LRP1B: variants seen among roughly 807,000 people sequenced by gnomAD.
LRP1B encodes the protein LDL receptor related protein 1B, also known as low-density lipoprotein receptor-related protein 1B.
LRP1B carries 217 observed loss-of-function variants against 556.6 expected under a neutral mutation model. The ratio of observed to expected loss-of-function variants is 0.39; its 90% CI spans 0.35 to 0.44. LRP1B has a LOEUF of 0.44. Ranked by LOEUF, LRP1B falls within the 20% of genes least tolerant of loss-of-function variation. LRP1B has a pLI of 1.00. For missense variants in LRP1B, 5,053 were observed against 5,620.8 expected (o/e 0.90, Z 3.23); for synonymous variants, 2,047 against 1,865.8 (o/e 1.10, Z -2.50).
At chr2:141,291,769 T>C (rs991847321) in intron 3 of LRP1B, among the ~76,000 whole-genome samples, 1 of 143,242 alleles carries the variant, frequency 7.0e-6, no homozygotes, top group African/African-American at 2.7e-5. Context: ...GGCAGGAGAA[T>C]GGCGTGAACC....
chr2:140,457,966 A>G (rs949374135), intron 60 of LRP1B, among the ~76,000 whole-genome samples: 9 of 151,458 alleles, frequency 5.9e-5, no homozygotes, highest in African/African-American at 1.9e-4. Flanking sequence ...TGATATATTT[A>G]TGTGTGTGTG....
At chr2:140,617,701 A>G (rs1475559417) in intron 41 of LRP1B, among the ~76,000 whole-genome samples, 1 of 152,054 alleles carries the variant, frequency 6.6e-6, no homozygotes, top group East Asian at 1.9e-4. Context: ...ATGAGTAGAT[A>G]ACATTTATAA....
intron 43 of LRP1B, among the ~76,000 whole-genome samples, chr2:140,583,925 G>A (rs1010285049): frequency 2.6e-5 from 4 of 152,088 alleles, no homozygotes; most frequent in South Asian, 2.1e-4. Flanking sequence ...TTCCCATAAT[G>A]TCTTGGTTGC....
intron 2 of LRP1B, among the ~76,000 whole-genome samples, chr2:141,485,087 C>T (rs938468415): frequency 3.5e-4 from 53 of 152,112 alleles, no homozygotes; most frequent in African/African-American, 1.2e-3. Flanking sequence ...GCAAAGACAA[C>T]ATATAGAATT....
chr2:142,013,655 G>T (rs1703026776), intron 1 of LRP1B, among the ~76,000 whole-genome samples: 1 of 152,016 alleles, frequency 6.6e-6, no homozygotes, highest in Non-Finnish European at 1.5e-5. Flanking sequence ...GAAGAAGGAT[G>T]ATAAATAAAA....
At chr2:142,058,299 C>G (rs1704755284) in intron 1 of LRP1B, among the ~76,000 whole-genome samples, 1 of 152,096 alleles carries the variant, frequency 6.6e-6, no homozygotes, top group South Asian at 2.1e-4. Context: ...ATAACTTCCT[C>G]TTTGGGTTCT....
chr2:141,820,389 G>T (rs755103344), intron 1 of LRP1B, among the ~76,000 whole-genome samples: 3 of 152,122 alleles, frequency 2.0e-5, no homozygotes, highest in South Asian at 4.1e-4. Context: ...GACCAAAAAT[G>T]CTTGAACTAG....
At chr2:141,059,197 C>A (rs1699270928) in intron 8 of LRP1B, 143 bp from the exon 9 acceptor site, 2 of 534,030 alleles carry the variant, frequency 3.7e-6, no homozygotes, top group African/African-American at 2.0e-5. Context: ...TCAAGGAGTT[C>A]AACATTTCCC....
chr2:141,469,422 C>T (rs1375283652), intron 3 of LRP1B, among the ~76,000 whole-genome samples: 1 of 152,022 alleles, frequency 6.6e-6, no homozygotes, highest in African/African-American at 2.4e-5. Context: ...TAAACAAAGG[C>T]AGCTTATTTC....
At chr2:140,653,922 G>A (rs1684776672) in intron 41 of LRP1B, among the ~76,000 whole-genome samples, 2 of 150,932 alleles carry the variant, frequency 1.3e-5, no homozygotes, top group Admixed American at 1.3e-4. Flanking sequence ...CTACTTGGGA[G>A]GCTGAGGCAG....
intron 2 of LRP1B, among the ~76,000 whole-genome samples, chr2:141,584,519 G>A (rs1162642019): frequency 1.3e-5 from 2 of 152,158 alleles, no homozygotes; most frequent in Non-Finnish European, 2.9e-5. Flanking sequence ...AGGGGGAAAT[G>A]TCTGTCAAAT....
At chr2:141,302,776 T>G (rs142502861) in intron 3 of LRP1B, among the ~76,000 whole-genome samples, 52 of 152,196 alleles carry the variant, frequency 3.4e-4, no homozygotes, top group Admixed American at 8.5e-4. Flanking sequence ...TCAAATCTAT[T>G]TGGATAGATT....
At chr2:142,120,641 C>T (rs561804557) in intron 1 of LRP1B, among the ~76,000 whole-genome samples, 1 of 152,218 alleles carries the variant, frequency 6.6e-6, no homozygotes, top group Admixed American at 6.5e-5. Flanking sequence ...TCTTCATAGG[C>T]CAATGCCTGT....
chr2:141,464,435 C>T (rs1317018220), intron 3 of LRP1B, among the ~76,000 whole-genome samples: 4 of 149,044 alleles, frequency 2.7e-5, no homozygotes, highest in African/African-American at 9.9e-5. Context: ...TTTTTTGAGA[C>T]GGAGTCTCGC....
At chr2:140,387,287 T>G (rs1177683233) in intron 66 of LRP1B, among the ~76,000 whole-genome samples, 1 of 152,136 alleles carries the variant, frequency 6.6e-6, no homozygotes, top group African/African-American at 2.4e-5. Context: ...TAAATAACAT[T>G]AAGAAAGCAA....
At chr2:141,672,954 T>G (rs1202201243) in intron 2 of LRP1B, among the ~76,000 whole-genome samples, 1 of 152,248 alleles carries the variant, frequency 6.6e-6, no homozygotes, top group South Asian at 2.1e-4. Flanking sequence ...CAAGCCCTGG[T>G]TTTACAGACT....
intron 3 of LRP1B, among the ~76,000 whole-genome samples, chr2:141,341,966 C>T (rs912771085): frequency 2.6e-5 from 4 of 151,936 alleles, no homozygotes; most frequent in Admixed American, 6.6e-5. Flanking sequence ...CCCAGGCGGC[C>T]GGGCGCAGTA....
chr2:142,091,662 C>T (rs1017487133), intron 1 of LRP1B, among the ~76,000 whole-genome samples: 3 of 152,114 alleles, frequency 2.0e-5, no homozygotes, highest in Admixed American at 6.6e-5. Context: ...CACTAATACT[C>T]ACCATAGACA....
intron 2 of LRP1B, among the ~76,000 whole-genome samples, chr2:141,725,911 T>C (rs1693012015): frequency 6.6e-6 from 1 of 151,862 alleles, no homozygotes; most frequent in South Asian, 2.1e-4. Flanking sequence ...AGGCAATAAT[T>C]TCTACTTTGC....
Sources: gnomAD v4.1 joint callset for allele counts (sites outside exome capture counted in the v4.1 genomes callset) on GRCh38, gnomAD v4.1.1 for gene constraint, MANE v1.5 for transcripts, NCBI Gene and HGNC (gene_info 2026-07-23, HGNC 2026-07-21) for gene names.